HEATR4: variants seen among roughly 807,000 people sequenced by gnomAD.
HEATR4 encodes the protein HEAT repeat containing 4.
A neutral mutation model predicts 108.8 loss-of-function variants in HEATR4; 95 were observed. The ratio of observed to expected loss-of-function variants is 0.87; its 90% CI spans 0.74 to 1.04. The LOEUF (loss-of-function observed/expected upper bound fraction) is 1.04. Among genes scored for constraint, HEATR4 ranks in the 50% least tolerant of loss-of-function variants. The pLI is 0.00. For missense variants in HEATR4, 1,152 were observed against 1,253.8 expected, an observed-to-expected ratio of 0.92 and a Z score of 1.23; for synonymous variants, 443 against 459.4, an observed-to-expected ratio of 0.96 and a Z score of 0.46.
At chr14:73,508,432 T>C in intron 8 of HEATR4, 138 bp from the exon 9 acceptor site, 2 of 710,214 alleles carry the variant, frequency 2.8e-6, no homozygotes, top group South Asian at 3.6e-5. Context: ...AGAAATACAA[T>C]TTCTTATTTA....
the HEATR4 span, chr14:73,595,152 A>G: frequency 6.3e-5 from 102 of 1,614,104 alleles, no homozygotes; most frequent in East Asian, 2.4e-4. Context: ...GTTTCCATCA[A>G]TGGATCTGGG....
Position 73,492,038 on chromosome 14 carries a change from TACG to T in HEATR4, c.2844+1025_2844+1027del, listed in dbSNP as rs1885800287. 1 of 1,613,990 alleles carries T rather than the reference TACG, an allele frequency of 6.2e-7. No individual in the cohort carries two copies. The highest frequency in any genetic ancestry group is 8.5e-7 in the Non-Finnish European group (1 of 1,179,892). On this transcript the variant is annotated intron_variant, in intron 17 of 17. Coordinates refer to ENST00000553558, the MANE Select transcript of HEATR4 (RefSeq NM_001220484.1). The surrounding 1 kb of genome is among the most constrained non-coding windows in gnomAD (Gnocchi z 4.9). ...TAACTCGCAGGGCTTTGCCCCCCAC[TACG>T]ACGACATCGAGGCCTTCGTGCTGCA...
At chr14:73,585,190 C>T in the HEATR4 span, among the ~76,000 whole-genome samples, 2 of 152,132 alleles carry the variant, frequency 1.3e-5, no homozygotes, top group Admixed American at 6.5e-5. Flanking sequence ...TCCTGTCTCA[C>T]GACCTGGCCA....
chr14:73,499,700 C>T (rs1886322390), intron 12 of HEATR4, among the ~76,000 whole-genome samples: 1 of 152,104 alleles, frequency 6.6e-6, no homozygotes, highest in South Asian at 2.1e-4. Context: ...TTCTCTTGAA[C>T]ACTTCAAACA....
chr14:73,630,563 ATTC>A, the HEATR4 span, among the ~76,000 whole-genome samples: 1 of 152,262 alleles, frequency 6.6e-6, no homozygotes, highest in African/African-American at 2.4e-5. Context: ...GTCTGTCTAG[ATTC>A]TTCTTGGCTT....
intron 1 of HEATR4, chr14:73,537,632 A>G: frequency 8.2e-7 from 1 of 1,224,064 alleles, no homozygotes. Context: ...GCTGGGCGGC[A>G]GCTTCGCGGG....
the HEATR4 span, chr14:73,574,188 A>G: frequency 3.8e-5 from 6 of 159,910 alleles, no homozygotes; most frequent in African/African-American, 1.5e-4. Context: ...GACAGTTTCT[A>G]TTCAATTCTA....
At chr14:73,585,987 C>T in the HEATR4 span, among the ~76,000 whole-genome samples, 1 of 121,488 alleles carries the variant, frequency 8.2e-6, no homozygotes. Context: ...CCAGTCTGGG[C>T]GACAGAGTGA....
At chr14:73,621,277 C>A in the HEATR4 span, among the ~76,000 whole-genome samples, 6 of 152,172 alleles carry the variant, frequency 3.9e-5, no homozygotes, top group African/African-American at 1.4e-4. Flanking sequence ...GGATATACTT[C>A]TTTTACGTTT....
intron 17 of HEATR4, 140 bp from the exon 18 acceptor site, chr14:73,478,982 A>T: frequency 1.7e-6 from 1 of 575,498 alleles, no homozygotes; most frequent in Admixed American, 3.2e-5. Context: ...TCTGTCGCCC[A>T]GGCTGGAGTT....
the HEATR4 span, chr14:73,612,593 G>A: frequency 1.4e-6 from 2 of 1,410,714 alleles, no homozygotes; most frequent in Non-Finnish European, 1.9e-6. Flanking sequence ...GCTGATCCTG[G>A]AGCCCGCGGG....
chr14:73,614,272 A>G, the HEATR4 span, among the ~76,000 whole-genome samples: 1 of 152,166 alleles, frequency 6.6e-6, no homozygotes. Context: ...TTCTGTGATT[A>G]TTCTCCAAAA....
At chr14:73,496,723 T>C (rs1566823665) in intron 14 of HEATR4, 44 bp from the exon 15 acceptor site, 1 of 1,076,542 alleles carries the variant, frequency 9.3e-7, no homozygotes, top group East Asian at 2.4e-5. Flanking sequence ...ACCCTGCCCT[T>C]TAAAAAAGTA....
chr14:73,633,446 C>A, the HEATR4 span, among the ~76,000 whole-genome samples: 1 of 152,188 alleles, frequency 6.6e-6, no homozygotes, highest in Non-Finnish European at 1.5e-5. Flanking sequence ...TATTATCAAT[C>A]CCTACTATTT....
At chr14:73,633,007 C>CTTT in the HEATR4 span, among the ~76,000 whole-genome samples, 1,352 of 122,010 alleles carry the variant, frequency 0.011, 52 homozygotes, top group African/African-American at 0.042. Context: ...CTCTCTCTCT[C>CTTT]TTTTTTTTTT....
rs1343017711 is a variant in HEATR4 at position 73,502,799 on chromosome 14, G to A, written c.2105+96C>T. The A allele has an allele frequency of 3.5e-5, 30 of 846,964 alleles. No homozygotes were observed. The East Asian group carries it at 4.9e-4, about 14-fold the overall frequency. The allele number at this position is 846,964 out of a possible 1,614,324, so 52.5% of individuals were successfully genotyped here. ...CCTGACCTCGTGATCCGCCCACCCCGTCTTCCCAAAGTGTTGGGAGCCACC... is the reference window on the plus strand; with the variant it reads ...CCTGACCTCGTGATCCGCCCACCCCATCTTCCCAAAGTGTTGGGAGCCACC... On this transcript the variant is annotated intron_variant, in intron 11 of 17. Transcript: ENST00000553558.
chr14:73,538,020 C>A lies in HEATR4; in HGVS notation c.-151-7776G>T. On this transcript the variant is annotated intron_variant, in intron 1 of 17. Coordinates refer to ENST00000553558, the MANE Select transcript of HEATR4 (RefSeq NM_001220484.1). ...CTCCTCCCGCCCCACCACCACCACC[C>A]CGGGCTATGTTGCCCAGGTAGGTCT... 2.6e-6 allele frequency: 2 copies of A among 768,870 alleles called. 1 individual carries two copies. Among genetic ancestry groups the A allele is most frequent in the Non-Finnish European group, 3.5e-6 (2 of 571,106 alleles). The allele number at this position is 768,870 out of a possible 1,614,324, so 47.6% of individuals were successfully genotyped here.
the HEATR4 span, chr14:73,595,536 T>C: frequency 2.3e-5 from 37 of 1,610,832 alleles, no homozygotes; most frequent in Admixed American, 8.3e-5. Flanking sequence ...AAACATGTTA[T>C]ATGGGGTGGG....
intron 16 of HEATR4, 148 bp downstream of exon 16, chr14:73,495,080 C>G: frequency 1.7e-6 from 1 of 574,688 alleles, no homozygotes; most frequent in Middle Eastern, 2.8e-4. Flanking sequence ...AACACAAAGA[C>G]TGAGTGGATG....
Sources: allele counts gnomAD v4.1 joint callset (sites outside exome capture counted in the v4.1 genomes callset), GRCh38; gene constraint gnomAD v4.1.1; non-coding constraint Gnocchi (gnomAD v3.1); transcripts MANE v1.5; gene names NCBI Gene and HGNC (gene_info 2026-07-23, HGNC 2026-07-21).